The following GLDC variants were observed in gnomAD, a reference collection of about 807,000 sequenced individuals.
GLDC encodes glycine dehydrogenase (decarboxylating), mitochondrial.
A neutral mutation model predicts 121.3 loss-of-function variants in GLDC; 104 were observed. That is an observed-to-expected ratio of 0.86 (90% CI 0.73 to 1.01). The LOEUF (loss-of-function observed/expected upper bound fraction) is 1.01, where lower values mean the gene tolerates loss of function less well. Ranked by LOEUF, GLDC falls within the 50% of genes least tolerant of loss-of-function variation. GLDC has a pLI of 0.00. For missense variants in GLDC, 1,429 were observed against 1,306.6 expected, an observed-to-expected ratio of 1.09 and a Z score of -1.44; for synonymous variants, 546 against 480.6, an observed-to-expected ratio of 1.14 and a Z score of -1.78.
intron 16 of GLDC, among the ~76,000 whole-genome samples, chr9:6,560,691 G>C (rs907474498): frequency 2.6e-5 from 4 of 152,140 alleles, no homozygotes; most frequent in African/African-American, 9.7e-5. Flanking sequence ...TTCATACCAG[G>C]TGAGTTCTGT....
chr9:6,536,774 A>C (rs1817137902), intron 22 of GLDC, among the ~76,000 whole-genome samples: 1 of 152,224 alleles, frequency 6.6e-6, no homozygotes, highest in African/African-American at 2.4e-5. Flanking sequence ...AGCTTATCAA[A>C]AGTTAAATAA....
intron 3 of GLDC, among the ~76,000 whole-genome samples, chr9:6,617,014 A>C (rs1335891614): frequency 6.6e-6 from 1 of 152,158 alleles, no homozygotes; most frequent in East Asian, 1.9e-4. Context: ...CCATAAAATA[A>C]ATTCTAGACC....
intron 15 of GLDC, among the ~76,000 whole-genome samples, chr9:6,578,399 G>T (rs191022101): frequency 6.6e-6 from 1 of 151,794 alleles, no homozygotes; most frequent in Non-Finnish European, 1.5e-5. Flanking sequence ...TTACAAGCAT[G>T]AATCATGGCA....
chr9:6,564,281 G>A (rs536074885), intron 16 of GLDC, among the ~76,000 whole-genome samples: 1 of 151,494 alleles, frequency 6.6e-6, no homozygotes, highest in African/African-American at 2.4e-5. Flanking sequence ...CCCCAACCAA[G>A]ATGAAAGCCT....
In GLDC at chr9:6,554,557, C is replaced by T. The variant is rs560676363; in HGVS notation, c.2315+112G>A. ...CCCAGCCCCTACAAGTGCACTACAC[C>T]GATGAGGGTATCCTCAACACATGAA... On this transcript the variant is annotated intron_variant, in intron 19 of 24. Transcript: ENST00000321612. 295 of 807,758 alleles carry T rather than the reference C, an allele frequency of 3.7e-4. 5 individuals carry two copies. The South Asian group carries it at 3.8e-3, about 10-fold the overall frequency. The allele number at this position is 807,758 out of a possible 1,614,324, so 50.0% of individuals were successfully genotyped here.
At chr9:6,614,257 C>G (rs932718069) in intron 3 of GLDC, among the ~76,000 whole-genome samples, 1 of 151,058 alleles carries the variant, frequency 6.6e-6, no homozygotes, top group Admixed American at 6.6e-5. Context: ...TTTTTTGAGA[C>G]AGAGTCTTGC....
At chr9:6,545,348 G>T (rs1310102018) in intron 21 of GLDC, among the ~76,000 whole-genome samples, 1 of 152,124 alleles carries the variant, frequency 6.6e-6, no homozygotes, top group East Asian at 1.9e-4. Context: ...GTAGGCAATT[G>T]TAACACAATG....
intron 5 of GLDC, among the ~76,000 whole-genome samples, chr9:6,606,309 C>CAAAA (rs56758871): frequency 2.3e-4 from 21 of 89,996 alleles, no homozygotes; most frequent in African/African-American, 4.7e-4. Context: ...GACTCCGTCT[C>CAAAA]AAAAAAAAAA....
At position 6,622,487 on chromosome 9, in the gene GLDC, G is replaced by A. The variant is rs867701001; in HGVS notation, c.335-2168C>T. 5.9e-3 allele frequency among the ~76,000 whole-genome samples: 865 copies of A among 145,628 alleles called. 7 individuals are homozygous for A. Among genetic ancestry groups the A allele is most frequent in the African/African-American group, 0.021 (820 of 38,228 alleles). On this transcript the variant is annotated intron_variant, in intron 2 of 24. Coordinates refer to ENST00000321612, the MANE Select transcript of GLDC (RefSeq NM_000170.3). ...TCCAGCTCCTAACCGCGAGTGATCC[G>A]CCAGCCTCGGCCTCCCGAGGTGCCG... is the stretch of plus-strand genomic sequence containing the variant.
intron 3 of GLDC, among the ~76,000 whole-genome samples, chr9:6,611,261 A>G (rs537154828): frequency 9.2e-5 from 14 of 152,360 alleles, no homozygotes; most frequent in Non-Finnish European, 4.4e-5. Context: ...CAGTTAGCCA[A>G]TTTAGTTCCT....
At chr9:6,623,307 T>C (rs1453180954) in intron 2 of GLDC, among the ~76,000 whole-genome samples, 3 of 139,374 alleles carry the variant, frequency 2.2e-5, no homozygotes, top group Admixed American at 1.5e-4. Context: ...TGTTGATCTA[T>C]GACCTTACCC....
chr9:6,631,702 G>T (rs934855), intron 2 of GLDC, among the ~76,000 whole-genome samples: 44,213 of 152,062 alleles, frequency 0.29, 6,745 homozygotes, highest in East Asian at 0.48. Context: ...GAACAAGAAG[G>T]GAAGACTGTG....
At chr9:6,571,473 T>A (rs1175982347) in intron 15 of GLDC, among the ~76,000 whole-genome samples, 1 of 152,188 alleles carries the variant, frequency 6.6e-6, no homozygotes, top group East Asian at 1.9e-4. Context: ...CTAAATAAAA[T>A]AAGGGTTCCT....
At chr9:6,603,150 C>A (rs1174791990) in intron 7 of GLDC, among the ~76,000 whole-genome samples, 2 of 151,852 alleles carry the variant, frequency 1.3e-5, no homozygotes, top group East Asian at 1.9e-4. Flanking sequence ...ATCACTTGAA[C>A]CTGGGAGGCA....
At chr9:6,534,926 A>G in intron 23 of GLDC, 138 bp from the exon 24 acceptor site, 1 of 681,484 alleles carries the variant, frequency 1.5e-6, no homozygotes, top group South Asian at 1.5e-5. Context: ...AGGGGGGTAC[A>G]ATGTGATTTA....
intron 15 of GLDC, chr9:6,569,371 G>A (rs570581297): frequency 1.3e-5 from 2 of 152,148 alleles, no homozygotes; most frequent in African/African-American, 2.4e-5. Context: ...AATGGATGTT[G>A]TGCCGGGCGT....
rs769158507 is a variant in GLDC at position 6,556,210 on chromosome 9, G to A, written c.2145C>T (p.Asp715=). The change falls in exon 18 of 25, where the codon GAC becomes GAT. Residue 715 remains aspartate (D), a synonymous_variant. Coordinates refer to ENST00000321612, the MANE Select transcript of GLDC (RefSeq NM_000170.3). ...VFEENISDVC[D]LIHQHGGQVY... ...CCTGTCCTCCATGTTGATGGATGAG[G>A]TCACACACGTCACTGATGTTCTCTT... 3.1e-6 allele frequency: 5 copies of A among 1,611,562 alleles called. No individual in the cohort carries two copies. Among genetic ancestry groups the A allele is most frequent in the Middle Eastern group, 3.3e-4 (2 of 6,064 alleles).
chr9:6,545,605 C>A (rs75636497), intron 21 of GLDC, among the ~76,000 whole-genome samples: 1 of 152,002 alleles, frequency 6.6e-6, no homozygotes, highest in Non-Finnish European at 1.5e-5. Context: ...TTTAAAAAAA[C>A]TTTTTTCTTC....
chr9:6,584,090 C>T (rs1258149762), intron 15 of GLDC, among the ~76,000 whole-genome samples: 1 of 152,180 alleles, frequency 6.6e-6, no homozygotes, highest in Non-Finnish European at 1.5e-5. Flanking sequence ...ACTAAGGCTA[C>T]TTCCTAAAAA....
Sources: allele counts gnomAD v4.1 joint callset (sites outside exome capture counted in the v4.1 genomes callset), GRCh38; gene constraint gnomAD v4.1.1; transcripts MANE v1.5; gene names NCBI Gene and HGNC (gene_info 2026-07-23, HGNC 2026-07-21).